The following CPNE8 variants were observed in gnomAD, a reference collection of about 807,000 sequenced individuals.
CPNE8 encodes copine-8.
In CPNE8, 45 loss-of-function variants were observed where a neutral mutation model predicts 81.5. The observed-to-expected ratio is 0.55, with a 90% CI of 0.44 to 0.71. The LOEUF (loss-of-function observed/expected upper bound fraction) is 0.71, where lower values mean the gene tolerates loss of function less well. Ranked by LOEUF, CPNE8 falls within the 30% of genes least tolerant of loss-of-function variation. CPNE8 has a pLI of 0.00. For synonymous variants in CPNE8, 252 were observed against 226.3 expected (o/e 1.11, Z -1.02); for missense variants, 594 against 672.1 (o/e 0.88, Z 1.28).
intron 3 of CPNE8, among the ~76,000 whole-genome samples, chr12:38,862,826 G>C (rs1943858337): frequency 6.6e-6 from 1 of 152,172 alleles, no homozygotes; most frequent in Admixed American, 6.5e-5. Flanking sequence ...GCACACACCT[G>C]AAGTCCCAGC....
chr12:38,821,858 T>C (rs1463061605), intron 6 of CPNE8, among the ~76,000 whole-genome samples: 1 of 152,164 alleles, frequency 6.6e-6, no homozygotes, highest in Non-Finnish European at 1.5e-5. Flanking sequence ...TGCAAGAAAG[T>C]GGTTCAACTC....
chr12:38,785,432 C>T (rs756736679), intron 6 of CPNE8, among the ~76,000 whole-genome samples: 1 of 151,904 alleles, frequency 6.6e-6, no homozygotes, highest in Non-Finnish European at 1.5e-5. Context: ...CCCATAATTC[C>T]CACATGTTGT....
chr12:38,670,832 G>A (rs768568006), intron 18 of CPNE8, 30 bp from the exon 19 acceptor site: 1 of 1,509,874 alleles, frequency 6.6e-7, no homozygotes, highest in East Asian at 2.3e-5. Context: ...CATTTATTCA[G>A]TACATTTTAG....
At chr12:38,722,811 C>G (rs774148185) in intron 13 of CPNE8, among the ~76,000 whole-genome samples, 1 of 152,126 alleles carries the variant, frequency 6.6e-6, no homozygotes, top group Non-Finnish European at 1.5e-5. Flanking sequence ...CCACAATCCC[C>G]CTGTGTCGAG....
At chr12:38,852,866 G>GA (rs202203006) in intron 3 of CPNE8, among the ~76,000 whole-genome samples, 1 of 151,544 alleles carries the variant, frequency 6.6e-6, no homozygotes, top group African/African-American at 2.4e-5. Flanking sequence ...TATATATATG[G>GA]AAAAAAATAG....
chr12:38,863,545 T>A (rs531349653), intron 3 of CPNE8, among the ~76,000 whole-genome samples: 2 of 152,300 alleles, frequency 1.3e-5, no homozygotes, highest in African/African-American at 4.8e-5. Flanking sequence ...ATATAATTCA[T>A]AACAGGCAAA....
intron 4 of CPNE8, among the ~76,000 whole-genome samples, chr12:38,843,306 T>A (rs1291901718): frequency 6.6e-6 from 1 of 152,144 alleles, no homozygotes; most frequent in African/African-American, 2.4e-5. Context: ...AAAAACAAAA[T>A]ATGTGATCAT....
At chr12:38,744,161 A>G (rs1370034584) in intron 10 of CPNE8, among the ~76,000 whole-genome samples, 2 of 152,222 alleles carry the variant, frequency 1.3e-5, no homozygotes, top group Non-Finnish European at 2.9e-5. Flanking sequence ...ACCAGAGTAA[A>G]ACACAGAGAG....
chr12:38,719,114 G>C (rs1940484230), intron 13 of CPNE8, among the ~76,000 whole-genome samples: 1 of 151,924 alleles, frequency 6.6e-6, no homozygotes, highest in South Asian at 2.1e-4. Context: ...GATGTCATTA[G>C]GTCATGGAAG....
intron 10 of CPNE8, among the ~76,000 whole-genome samples, chr12:38,742,147 C>T (rs1941121909): frequency 1.3e-5 from 2 of 152,054 alleles, no homozygotes; most frequent in African/African-American, 4.8e-5. Context: ...CTAGAAATAC[C>T]ATTTGACCCA....
chr12:38,789,928 C>T (rs1398021466), intron 6 of CPNE8, among the ~76,000 whole-genome samples: 6 of 151,544 alleles, frequency 4.0e-5, no homozygotes, highest in African/African-American at 7.3e-5. Context: ...TGGCTTATAT[C>T]GGAATGACGG....
intron 13 of CPNE8, among the ~76,000 whole-genome samples, chr12:38,717,612 G>T (rs1044915512): frequency 6.6e-6 from 1 of 151,378 alleles, no homozygotes; most frequent in African/African-American, 2.4e-5. Context: ...GTAAGCTATG[G>T]TAACACAAAG....
intron 15 of CPNE8, among the ~76,000 whole-genome samples, chr12:38,688,074 A>T (rs1939574889): frequency 6.6e-6 from 1 of 152,206 alleles, no homozygotes; most frequent in African/African-American, 2.4e-5. Context: ...GCATATAAAA[A>T]TGTATTATAT....
At chr12:38,690,207 G>A (rs1036578063) in intron 15 of CPNE8, among the ~76,000 whole-genome samples, 1 of 152,174 alleles carries the variant, frequency 6.6e-6, no homozygotes, top group Non-Finnish European at 1.5e-5. Context: ...ATTAACATCA[G>A]GTAGTTCATG....
intron 7 of CPNE8, among the ~76,000 whole-genome samples, chr12:38,769,028 A>G (rs558711246): frequency 2.6e-5 from 4 of 152,210 alleles, no homozygotes; most frequent in Non-Finnish European, 4.4e-5. Context: ...CCTTTCAGTA[A>G]TTCCAGAAGA....
At chr12:38,663,278 C>CA (rs1310944051) in intron 19 of CPNE8, among the ~76,000 whole-genome samples, 1 of 151,284 alleles carries the variant, frequency 6.6e-6, no homozygotes, top group Non-Finnish European at 1.5e-5. Flanking sequence ...AAAACAAAAA[C>CA]AAAAAACAAA....
chr12:38,750,889 A>G (rs2136822848), intron 10 of CPNE8, among the ~76,000 whole-genome samples: 1 of 152,242 alleles, frequency 6.6e-6, no homozygotes, highest in African/African-American at 2.4e-5. Flanking sequence ...CCAGGGGCAG[A>G]ATGATATGGT....
intron 10 of CPNE8, 95 bp from the exon 11 acceptor site, chr12:38,730,453 A>C: frequency 1.7e-6 from 1 of 596,718 alleles, no homozygotes; most frequent in South Asian, 2.4e-5. Context: ...TTATCAAAAA[A>C]ATGCTTGATA....
intron 10 of CPNE8, among the ~76,000 whole-genome samples, chr12:38,751,824 T>C (rs900461985): frequency 2.0e-5 from 3 of 152,210 alleles, no homozygotes; most frequent in Non-Finnish European, 4.4e-5. Context: ...TAATTCACAA[T>C]AGTCCCTTAT....
Sources: gnomAD v4.1 joint callset for allele counts (sites outside exome capture counted in the v4.1 genomes callset) on GRCh38, gnomAD v4.1.1 for gene constraint, MANE v1.5 for transcripts, NCBI Gene and HGNC (gene_info 2026-07-23, HGNC 2026-07-21) for gene names.